ZNF442: variants seen among roughly 807,000 people sequenced by gnomAD.
The protein encoded by ZNF442 is zinc finger protein 442.
A neutral mutation model predicts 57.0 loss-of-function variants in ZNF442; 45 were observed. That is an observed-to-expected ratio of 0.79 (90% CI 0.62 to 1.01). ZNF442 has a LOEUF of 1.01. Ranked by LOEUF, ZNF442 falls within the 50% of genes least tolerant of loss-of-function variation. The pLI, the probability that ZNF442 is intolerant of heterozygous loss-of-function variation, is 0.00. For missense variants in ZNF442, 690 were observed against 756.5 expected (o/e 0.91, Z 1.03); for synonymous variants, 213 against 241.8 (o/e 0.88, Z 1.10).
intron 3 of ZNF442, among the ~76,000 whole-genome samples, chr19:12,355,648 C>G (rs554596415): frequency 4.0e-5 from 6 of 150,214 alleles, no homozygotes; most frequent in African/African-American, 7.3e-5. Context: ...CATGAGCCAC[C>G]GTGCCTGGCC....
rs1788763127 is a variant in ZNF442, at chr19:12,347,460, C to T, written c.*2241G>A. 1 of 152,240 alleles carries T rather than the reference C, an allele frequency of 6.6e-6. No homozygotes were observed. 9.4% of individuals were successfully genotyped at this position (152,240 alleles called of 1,614,324 possible). On this transcript the variant is annotated 3_prime_UTR_variant, in exon 6 of 6. Coordinates refer to ENST00000242804, the MANE Select transcript of ZNF442 (RefSeq NM_030824.3). ...AGTATCAGGAATATCTCAAATGCTGCAAGGGAGGTTGGTGGGGAAAACAAT... is the reference window on the plus strand; with the variant it reads ...AGTATCAGGAATATCTCAAATGCTGTAAGGGAGGTTGGTGGGGAAAACAAT...
At chr19:12,354,414 T>G (rs1014659941) in intron 3 of ZNF442, among the ~76,000 whole-genome samples, 1 of 152,224 alleles carries the variant, frequency 6.6e-6, no homozygotes, top group Non-Finnish European at 1.5e-5. Context: ...TTACCTCTCA[T>G]GAATATCGAT....
Position 12,363,687 on chromosome 19 carries a change from A to C in ZNF442, c.-40-16T>G. The C allele has an allele frequency of 6.6e-7, 1 of 1,513,734 alleles. No homozygotes were observed. Among genetic ancestry groups the C allele is most frequent in the Non-Finnish European group, 9.2e-7 (1 of 1,088,704 alleles). The allele number at this position is 1,513,734 out of a possible 1,614,324, so 93.8% of individuals were successfully genotyped here. ...GGAATGGAAACTGGGGTTGGGGAAG[A>C]ACAAGGTGATTGTCCCAAGGGTTAG... On this transcript the variant is annotated splice_polypyrimidine_tract_variant and intron_variant, in intron 2 of 5. Transcript: ENST00000242804.
chr19:12,360,753 G>T (rs866305179), intron 3 of ZNF442, among the ~76,000 whole-genome samples: 1 of 151,988 alleles, frequency 6.6e-6, no homozygotes, highest in Admixed American at 6.6e-5. Flanking sequence ...GGTGGTGGGC[G>T]CCTGTAATCT....
At chr19:12,372,195 A>G in the ZNF442 span, among the ~76,000 whole-genome samples, 1 of 152,148 alleles carries the variant, frequency 6.6e-6, no homozygotes, top group African/African-American at 2.4e-5. Context: ...GGAGGCTCAC[A>G]CCTGTAATCC....
chr19:12,373,454 A>G, the ZNF442 span, among the ~76,000 whole-genome samples: 3 of 152,282 alleles, frequency 2.0e-5, no homozygotes, highest in East Asian at 3.9e-4. Flanking sequence ...AGGTGGGAGG[A>G]TCGCTTGAGC....
upstream of ZNF442, among the ~76,000 whole-genome samples, chr19:12,366,516 G>A (rs559947886): frequency 2.0e-5 from 3 of 151,926 alleles, no homozygotes; most frequent in Admixed American, 6.6e-5. Flanking sequence ...TAATAACTTC[G>A]AGATAAACTG....
chr19:12,357,075 G>A lies in ZNF442; in HGVS notation c.79-3961C>T, dbSNP rs73507967. Among the ~76,000 whole-genome samples, 1,009 of 152,286 alleles carry A rather than the reference G, an allele frequency of 6.6e-3. 9 individuals are homozygous for A. The highest frequency in any genetic ancestry group is 0.023 in the African/African-American group (947 of 41,566). On this transcript the variant is annotated intron_variant, in intron 3 of 5. Transcript: ENST00000242804. ...GTGACCCACAGCCTCAGACAACAGC[G>A]TATGTCAAACAGATTGAAGCAAATA... is the stretch of plus-strand genomic sequence containing the variant.
At chr19:12,368,343 A>G (rs1969554759), upstream of ZNF442, among the ~76,000 whole-genome samples, 1 of 152,250 alleles carries the variant, frequency 6.6e-6, no homozygotes, top group African/African-American at 2.4e-5. Context: ...ATAAATGTCC[A>G]TGAAATCTTC....
intron 3 of ZNF442, among the ~76,000 whole-genome samples, chr19:12,359,846 C>T (rs931581869): frequency 3.3e-5 from 5 of 152,088 alleles, no homozygotes; most frequent in African/African-American, 1.2e-4. Context: ...GGCGTAGTGG[C>T]ATGCGCCTGT....
At chr19:12,363,807 C>A (rs1325788544) in intron 2 of ZNF442, 136 bp from the exon 3 acceptor site, 3 of 609,222 alleles carry the variant, frequency 4.9e-6, no homozygotes, top group Non-Finnish European at 8.8e-6. Flanking sequence ...CCTCAGGCTG[C>A]TCACTGGGAG....
rs374460875 is a variant in ZNF442, at chr19:12,365,575, C to G, written c.-525G>C. 19 of 416,694 alleles carry G rather than the reference C, an allele frequency of 4.6e-5. No individual in the cohort carries two copies. The highest frequency in any genetic ancestry group is 3.5e-4 in the African/African-American group (16 of 46,124). 25.8% of individuals were successfully genotyped at this position (416,694 alleles called of 1,614,324 possible). A position where few individuals can be genotyped will look rare whatever the true frequency, so the allele number is the denominator to read the frequency against. ...GGTGTCCCGTGTTCTCCCCAAGGTT[C>G]CCCGCTGCCAGCATAGGACTCAGCG... On this transcript the variant is annotated 5_prime_UTR_variant, in exon 1 of 6. Transcript: ENST00000242804.
At chr19:12,369,899 C>T (rs1288915145), upstream of ZNF442, among the ~76,000 whole-genome samples, 1 of 149,774 alleles carries the variant, frequency 6.7e-6, no homozygotes, top group Non-Finnish European at 1.5e-5. Context: ...AGCTAGACTC[C>T]ATCTAAAAAA....
chr19:12,360,119 AT>A (rs796222290), intron 3 of ZNF442, among the ~76,000 whole-genome samples: 4 of 151,724 alleles, frequency 2.6e-5, no homozygotes, highest in African/African-American at 9.7e-5. Context: ...ATTTTATTTT[AT>A]TTTTTTTGAG....
chr19:12,372,100 A>G, the ZNF442 span, among the ~76,000 whole-genome samples: 284 of 152,344 alleles, frequency 1.9e-3, 1 homozygote, highest in Non-Finnish European at 3.2e-3. Flanking sequence ...TTTACAAGAG[A>G]AAAACAAACA....
In ZNF442 at chr19:12,349,978, C is replaced by T. The variant is rs1969190357; in HGVS notation, c.1607G>A (p.Arg536Lys). ...SHFGNLKVHE[R>K]IHTGEKPYEC... ...ATATGGCTTCTCTCCAGTGTGAATCCTTTCATGGACTTTTAAGTTACCAAA... is the reference window on the plus strand; with the variant it reads ...ATATGGCTTCTCTCCAGTGTGAATCTTTTCATGGACTTTTAAGTTACCAAA... Residue 536 changes from arginine to lysine, a missense_variant, in exon 6 of 6, where the codon AGG becomes AAG. By Grantham distance (26) the Arg-to-Lys change is conservative. Coordinates refer to ENST00000242804, the MANE Select transcript of ZNF442 (RefSeq NM_030824.3). 1 of 1,613,916 alleles carries T rather than the reference C, an allele frequency of 6.2e-7. No individual in the cohort carries two copies. The highest frequency in any genetic ancestry group is 1.7e-5 in the Admixed American group (1 of 59,988).
At chr19:12,355,181 C>T (rs1386699620) in intron 3 of ZNF442, among the ~76,000 whole-genome samples, 2 of 150,548 alleles carry the variant, frequency 1.3e-5, no homozygotes, top group African/African-American at 2.4e-5. Context: ...GTCCCAGCTA[C>T]TCGGGAGGCT....
chr19:12,371,271 T>C, the ZNF442 span, among the ~76,000 whole-genome samples: 1 of 152,204 alleles, frequency 6.6e-6, no homozygotes, highest in African/African-American at 2.4e-5. Flanking sequence ...AACTAATGAA[T>C]GATATTCATG....
Position 12,348,057 on chromosome 19 carries a change from A to C in ZNF442, c.*1644T>G, listed in dbSNP as rs573733787. The C allele has an allele frequency of 1.3e-5, 2 of 152,152 alleles. No homozygotes were observed. The highest frequency in any genetic ancestry group is 1.3e-4 in the Admixed American group (2 of 15,268). 9.4% of individuals were successfully genotyped at this position (152,152 alleles called of 1,614,324 possible). A position where few individuals can be genotyped will look rare whatever the true frequency, so the allele number is the denominator to read the frequency against. On this transcript the variant is annotated 3_prime_UTR_variant, in exon 6 of 6. Coordinates refer to ENST00000242804, the MANE Select transcript of ZNF442 (RefSeq NM_030824.3). ...CAAGGTGAAAAGTATTAAAGATTAC[A>C]ATCCTCGCAGGGCACGGTGGCTCAT...
Sources: gnomAD v4.1 joint callset for allele counts (sites outside exome capture counted in the v4.1 genomes callset) on GRCh38, gnomAD v4.1.1 for gene constraint, MANE v1.5 for transcripts, NCBI Gene and HGNC (gene_info 2026-07-23, HGNC 2026-07-21) for gene names.